The following YEATS4 variants were observed in gnomAD, a reference collection of about 807,000 sequenced individuals.
YEATS4 encodes YEATS domain-containing protein 4.
A neutral mutation model predicts 30.1 loss-of-function variants in YEATS4; 17 were observed. The ratio of observed to expected loss-of-function variants is 0.56; its 90% CI spans 0.39 to 0.85. YEATS4 has a LOEUF of 0.85. Among genes scored for constraint, YEATS4 ranks in the 40% least tolerant of loss-of-function variants. The pLI, the probability that YEATS4 is intolerant of heterozygous loss-of-function variation, is 0.00. For missense variants in YEATS4, 142 were observed against 268.3 expected (o/e 0.53, Z 3.29); for synonymous variants, 85 against 87.5 (o/e 0.97, Z 0.16).
At chr12:69,398,851 T>G in the YEATS4 span, among the ~76,000 whole-genome samples, 1 of 146,850 alleles carries the variant, frequency 6.8e-6, no homozygotes, top group African/African-American at 2.5e-5. Flanking sequence ...TCTTCATCAT[T>G]AAAAACTTTT....
chr12:69,391,583 G>A (rs183447311), downstream of YEATS4, among the ~76,000 whole-genome samples: 4 of 152,124 alleles, frequency 2.6e-5, no homozygotes, highest in Non-Finnish European at 5.9e-5. Flanking sequence ...TTTTAAAGTT[G>A]TGACTTTTGC....
chr12:69,364,532 T>G (rs1206586224), intron 2 of YEATS4, among the ~76,000 whole-genome samples: 1 of 152,210 alleles, frequency 6.6e-6, no homozygotes, highest in African/African-American at 2.4e-5. Context: ...AATATGCTTC[T>G]GTACTTTTAA....
chr12:69,384,159 A>G (rs1359194788), intron 6 of YEATS4, among the ~76,000 whole-genome samples: 1 of 152,246 alleles, frequency 6.6e-6, no homozygotes, highest in Non-Finnish European at 1.5e-5. Flanking sequence ...ACAGTTAAGT[A>G]TATGATCACT....
Position 69,365,686 on chromosome 12 carries a change from C to T in YEATS4, c.225C>T (p.Gly75=). Reference sequence around the variant, plus strand: ...AGTTTAAATTACATGAAAGCTATGGCAATCCTTTAAGAGGTACAATATAGT... The same window carrying T: ...AGTTTAAATTACATGAAAGCTATGGTAATCCTTTAAGAGGTACAATATAGT... ...KIQFKLHESY[G]NPLRVVTKPP... Residue 75 remains glycine, a synonymous_variant, in exon 3 of 7, where the codon GGC becomes GGT. Transcript: ENST00000247843. 6.2e-7 allele frequency: 1 copy of T among 1,611,726 alleles called. No individual in the cohort carries two copies. Among genetic ancestry groups the T allele is most frequent in the Non-Finnish European group, 8.5e-7 (1 of 1,178,392 alleles).
chr12:69,412,274 G>C, the YEATS4 span, among the ~76,000 whole-genome samples: 1 of 152,300 alleles, frequency 6.6e-6, no homozygotes, highest in African/African-American at 2.4e-5. Flanking sequence ...CTGCAGGTCA[G>C]GCTGGCTCTA....
chr12:69,365,952 T>G (rs944995576), intron 4 of YEATS4, 68 bp downstream of exon 4: 1 of 1,143,320 alleles, frequency 8.7e-7, no homozygotes. Flanking sequence ...TAATAATACT[T>G]AATGAATAGT....
chr12:69,363,379 A>G (rs1246957060), intron 2 of YEATS4, among the ~76,000 whole-genome samples: 1 of 152,238 alleles, frequency 6.6e-6, no homozygotes, highest in East Asian at 1.9e-4. Context: ...GAAAAAATAG[A>G]GAACTGTCAT....
chr12:69,363,683 G>A (rs1875321990), intron 2 of YEATS4, among the ~76,000 whole-genome samples: 1 of 152,174 alleles, frequency 6.6e-6, no homozygotes, highest in Non-Finnish European at 1.5e-5. Context: ...GCATTTAACA[G>A]ATATTTATTG....
chr12:69,374,931 C>A (rs1294947937), intron 6 of YEATS4, among the ~76,000 whole-genome samples: 1 of 151,982 alleles, frequency 6.6e-6, no homozygotes, highest in African/African-American at 2.4e-5. Flanking sequence ...GGCAGAGGGG[C>A]TCCTCACTTC....
At chr12:69,381,778 C>T (rs905241686) in intron 6 of YEATS4, among the ~76,000 whole-genome samples, 3 of 152,214 alleles carry the variant, frequency 2.0e-5, no homozygotes, top group Non-Finnish European at 4.4e-5. Context: ...CGCAACATCT[C>T]TCCCTTTCTT....
At chr12:69,405,816 T>G in the YEATS4 span, among the ~76,000 whole-genome samples, 2 of 152,224 alleles carry the variant, frequency 1.3e-5, no homozygotes, top group African/African-American at 4.8e-5. Context: ...ATTTTTGGAC[T>G]GCAGTTGACC....
At chr12:69,379,699 C>T (rs1876000583) in intron 6 of YEATS4, among the ~76,000 whole-genome samples, 1 of 146,244 alleles carries the variant, frequency 6.8e-6, no homozygotes, top group Non-Finnish European at 1.5e-5. Context: ...CCTTGGCCTC[C>T]CAAAGTGCTG....
At chr12:69,362,204 G>T (rs1019029608) in intron 1 of YEATS4, among the ~76,000 whole-genome samples, 16 of 151,814 alleles carry the variant, frequency 1.1e-4, no homozygotes, top group Admixed American at 1.1e-3. Flanking sequence ...TTTTAGTAGA[G>T]GTGGGGTTTC....
In YEATS4 at chr12:69,390,418, C is replaced by T; in HGVS notation, c.*102C>T. The T allele has an allele frequency of 9.4e-7, 1 of 1,067,864 alleles. No homozygotes were observed. The highest frequency in any genetic ancestry group is 1.3e-6 in the Non-Finnish European group (1 of 769,892). 66.1% of individuals were successfully genotyped at this position (1,067,864 alleles called of 1,614,324 possible). Reference sequence around the variant, plus strand: ...AATGCTGTGATGTTTCTTAGAGGAACTTCATATACAGCTGTTGACCATGAA... The same window carrying T: ...AATGCTGTGATGTTTCTTAGAGGAATTTCATATACAGCTGTTGACCATGAA... On this transcript the variant is annotated 3_prime_UTR_variant, in exon 7 of 7. Coordinates refer to ENST00000247843, the MANE Select transcript of YEATS4 (RefSeq NM_006530.4).
chr12:69,425,423 T>A, the YEATS4 span, among the ~76,000 whole-genome samples: 1 of 152,202 alleles, frequency 6.6e-6, no homozygotes, highest in Non-Finnish European at 1.5e-5. Flanking sequence ...TTCCCCAGAT[T>A]TGCCTGACTG....
At chr12:69,405,157 T>C in the YEATS4 span, among the ~76,000 whole-genome samples, 1 of 152,214 alleles carries the variant, frequency 6.6e-6, no homozygotes, top group South Asian at 2.1e-4. Context: ...TCTAAACTTT[T>C]GTAATTGATT....
intron 6 of YEATS4, among the ~76,000 whole-genome samples, chr12:69,378,858 T>G (rs1406265795): frequency 6.6e-6 from 1 of 152,238 alleles, no homozygotes; most frequent in Non-Finnish European, 1.5e-5. Context: ...TACTTGCCAG[T>G]GAGTTTTGTA....
At chr12:69,413,819 T>G in the YEATS4 span, among the ~76,000 whole-genome samples, 1 of 147,028 alleles carries the variant, frequency 6.8e-6, no homozygotes, top group African/African-American at 2.5e-5. Flanking sequence ...ACCACTGCAC[T>G]CAAGCCTGGA....
Position 69,360,011 on chromosome 12 carries a change from C to T in YEATS4, c.39C>T (p.Gly13=). Residue 13 remains glycine, a synonymous_variant, in exon 1 of 7, where the codon GGC becomes GGT. Coordinates refer to ENST00000247843, the MANE Select transcript of YEATS4 (RefSeq NM_006530.4). The part of the protein sequence containing the change: ...KRMAEFGPDS[G]GRVKGVTIVK... ...TGGCCGAATTTGGGCCTGACTCCGG[C>T]GGGAGAGTAAAGGTCAGTGCCCGGA... The T allele has an allele frequency of 3.7e-6, 6 of 1,613,474 alleles. No individual in the cohort carries two copies. Among genetic ancestry groups the T allele is most frequent in the Non-Finnish European group, 5.1e-6 (6 of 1,179,744 alleles).
Sources: allele counts gnomAD v4.1 joint callset (sites outside exome capture counted in the v4.1 genomes callset), GRCh38; gene constraint gnomAD v4.1.1; transcripts MANE v1.5; gene names NCBI Gene and HGNC (gene_info 2026-07-23, HGNC 2026-07-21).